The following DHRS7 variants were observed in gnomAD, a reference collection of about 807,000 sequenced individuals.
DHRS7 encodes the protein dehydrogenase/reductase 7.
A neutral mutation model predicts 38.9 loss-of-function variants in DHRS7; 34 were observed. That is an observed-to-expected ratio of 0.87 (90% CI 0.66 to 1.16). The LOEUF (loss-of-function observed/expected upper bound fraction) is 1.16. DHRS7 is among the 50% of genes most tolerant of loss of function. The pLI, the probability that DHRS7 is intolerant of heterozygous loss-of-function variation, is 0.00. For synonymous variants in DHRS7, 158 were observed against 153.1 expected, an observed-to-expected ratio of 1.03 and a Z score of -0.24; for missense variants, 421 against 407.0, an observed-to-expected ratio of 1.03 and a Z score of -0.30.
At chr14:60,156,702 A>G (rs1052706863) in intron 1 of DHRS7, among the ~76,000 whole-genome samples, 2 of 152,196 alleles carry the variant, frequency 1.3e-5, no homozygotes, top group African/African-American at 4.8e-5. Flanking sequence ...TTTTTAAAGT[A>G]GTATTTTCCC....
chr14:60,169,811 G>A (rs1367775867), upstream of DHRS7: 1 of 152,240 alleles, frequency 6.6e-6, no homozygotes, highest in Non-Finnish European at 1.5e-5. Context: ...AGCCTTAGCA[G>A]GGAATTTGGT....
At position 60,150,122 on chromosome 14, in the gene DHRS7, G is replaced by GT; in HGVS notation, c.698_699insA (p.Cys233Ter). 6.2e-7 allele frequency: 1 copy of GT among 1,604,828 alleles called. No homozygotes were observed. Among genetic ancestry groups the GT allele is most frequent in the African/African-American group, 1.4e-5 (1 of 72,944 alleles). ...TYPGIIVSNICPGPVQSNIVE... is the reference protein window; with the variant it reads ...TYPGIIVSNI ...CAATATTTGATTGCACAGGTCCTGGGCAAATGTTAGAAACTATTATACCTG... is the reference window on the plus strand; with the variant it reads ...CAATATTTGATTGCACAGGTCCTGGGTCAAATGTTAGAAACTATTATACCTG... The change falls in exon 5 of 7, where the codon TGC (cysteine) becomes TGAC (stop). Residue 233 changes from cysteine (C) to a stop codon, truncating the protein, a stop_gained and frameshift_variant. Transcript: ENST00000557185. LOFTEE classifies it high-confidence loss of function.
At chr14:60,154,638 G>C (rs1334901578) in intron 2 of DHRS7, among the ~76,000 whole-genome samples, 1 of 152,110 alleles carries the variant, frequency 6.6e-6, no homozygotes, top group African/African-American at 2.4e-5. Context: ...AATTTTCCTG[G>C]ACTCTAACCT....
intron 2 of DHRS7, among the ~76,000 whole-genome samples, chr14:60,154,444 T>C (rs775879100): frequency 2.6e-4 from 39 of 152,074 alleles, no homozygotes; most frequent in Non-Finnish European, 4.1e-4. Flanking sequence ...AAACAACTAC[T>C]TGTGCTTAAA....
At position 60,152,987 on chromosome 14, in the gene DHRS7, TATG is replaced by T. The variant is rs1278347733; in HGVS notation, c.582_584del (p.Ile195del). On this transcript the variant is annotated inframe_deletion, in exon 4 of 7. Coordinates refer to ENST00000557185, the MANE Select transcript of DHRS7 (RefSeq NM_016029.4). ...AGTATCCAATGGAAAGAGGTACAGA[TATG>T]ATACCCAGGATGCTATTCACAGTAA... The T allele has an allele frequency of 1.9e-6, 3 of 1,614,190 alleles. No homozygotes were observed. The East Asian group carries it at 6.7e-5, about 36-fold the overall frequency.
At chr14:60,147,600 C>G (rs965157782) in intron 6 of DHRS7, 1 of 152,166 alleles carries the variant, frequency 6.6e-6, no homozygotes, top group Non-Finnish European at 1.5e-5. Flanking sequence ...AGCACAATAG[C>G]TAACACTTAG....
At chr14:60,164,298 A>G (rs1016192785) in intron 1 of DHRS7, among the ~76,000 whole-genome samples, 4 of 133,494 alleles carry the variant, frequency 3.0e-5, no homozygotes, top group African/African-American at 8.5e-5. Context: ...TCGAGCTACT[A>G]TCTCTTCCAA....
At chr14:60,149,174 T>C (rs1317874944) in intron 6 of DHRS7, 179 bp downstream of exon 6, 2 of 611,074 alleles carry the variant, frequency 3.3e-6, no homozygotes, top group African/African-American at 1.8e-5. Context: ...GGTTTCACTA[T>C]GTTGGCCAGG....
chr14:60,152,494 C>G (rs926229222), intron 4 of DHRS7, among the ~76,000 whole-genome samples: 11 of 152,134 alleles, frequency 7.2e-5, no homozygotes, highest in African/African-American at 2.7e-4. Flanking sequence ...TAAACACCAA[C>G]TACAAGGGGC....
intron 6 of DHRS7, chr14:60,147,500 A>C (rs951109441): frequency 1.3e-5 from 2 of 152,166 alleles, no homozygotes; most frequent in Non-Finnish European, 2.9e-5. Flanking sequence ...AATATATATA[A>C]TTTTTATGTG....
intron 6 of DHRS7, chr14:60,147,137 G>A (rs1210172462): frequency 6.6e-6 from 1 of 152,196 alleles, no homozygotes; most frequent in Admixed American, 6.5e-5. Context: ...GGAGGCTGGG[G>A]TGGGAGGATT....
At chr14:60,168,798 C>T, upstream of DHRS7, 1 of 1,530,782 alleles carries the variant, frequency 6.5e-7, no homozygotes, top group Non-Finnish European at 8.8e-7. Flanking sequence ...ATCCCATTGG[C>T]TTGCAAACAT....
At chr14:60,169,132 C>CAAAAAA (rs1566539341), upstream of DHRS7, 7 of 31,084 alleles carry the variant, frequency 2.3e-4, no homozygotes, top group African/African-American at 9.4e-4. Flanking sequence ...ACAAAAGAAA[C>CAAAAAA]CAAAAAAAAA....
chr14:60,150,303 C>G (rs1174933274), intron 4 of DHRS7, 116 bp from the exon 5 acceptor site: 2 of 988,636 alleles, frequency 2.0e-6, no homozygotes, highest in Non-Finnish European at 2.8e-6. Flanking sequence ...TGTAATCATG[C>G]AAGCTTATTA....
chr14:60,147,558 C>G (rs1157548118), intron 6 of DHRS7: 1 of 152,078 alleles, frequency 6.6e-6, no homozygotes, highest in Non-Finnish European at 1.5e-5. Context: ...GAATATCCTG[C>G]TATATCTAAC....
upstream of DHRS7, among the ~76,000 whole-genome samples, chr14:60,166,698 A>G (rs1053860332): frequency 6.6e-5 from 10 of 152,178 alleles, no homozygotes; most frequent in Admixed American, 1.3e-4. Context: ...ACTCAGAGTC[A>G]TCTTTCCCTA....
rs775577817 is a variant in DHRS7, at chr14:60,145,009, G to A, written c.977C>T (p.Ala326Val). 1 of 1,589,434 alleles carries A rather than the reference G, an allele frequency of 6.3e-7. No individual in the cohort carries two copies. The highest frequency in any genetic ancestry group is 1.4e-5 in the African/African-American group (1 of 72,652). Residue 326 changes from alanine (A) to valine (V), a missense_variant, in exon 7 of 7, where the codon GCA becomes GTA. Physicochemically the swap from Ala to Val is moderately conservative, Grantham distance 64. Coordinates refer to ENST00000557185, the MANE Select transcript of DHRS7 (RefSeq NM_016029.4). The surrounding 1 kb of genome is among the most constrained non-coding windows in gnomAD (Gnocchi z 4.0). Reference protein sequence around the residue: ...RIENFKSGVDADSSYFKIFKT... With the variant: ...RIENFKSGVDVDSSYFKIFKT... ...AAAGATTTTAAAATAAGAAGAGTCT[G>A]CATCCTGTAAAAGAGGGACAGAAAC...
chr14:60,159,539 CTT>C (rs1896721300), intron 1 of DHRS7, among the ~76,000 whole-genome samples: 1 of 152,172 alleles, frequency 6.6e-6, no homozygotes, highest in Admixed American at 6.5e-5. Context: ...GTATTGGAAA[CTT>C]AATTTAGAAT....
chr14:60,150,270 A>C, intron 4 of DHRS7, 83 bp from the exon 5 acceptor site: 12 of 1,307,950 alleles, frequency 9.2e-6, no homozygotes, highest in Non-Finnish European at 1.0e-5. Flanking sequence ...ATGTTCTAAA[A>C]TGTGTGAGTA....
Sources: allele counts gnomAD v4.1 joint callset (sites outside exome capture counted in the v4.1 genomes callset), GRCh38; gene constraint gnomAD v4.1.1; non-coding constraint Gnocchi (gnomAD v3.1); transcripts MANE v1.5; gene names NCBI Gene and HGNC (gene_info 2026-07-23, HGNC 2026-07-21).